The following MAP4K5 variants were observed in gnomAD, a reference collection of about 807,000 sequenced individuals.
The protein encoded by MAP4K5 is mitogen-activated protein kinase kinase kinase kinase 5.
Under a neutral mutation model 135.6 loss-of-function variants are expected in MAP4K5, and 82 were observed. That is an observed-to-expected ratio of 0.60 (90% CI 0.51 to 0.73). The LOEUF (loss-of-function observed/expected upper bound fraction) is 0.73, where lower values mean the gene tolerates loss of function less well. Ranked by LOEUF, MAP4K5 falls within the 30% of genes least tolerant of loss-of-function variation. The pLI is 0.00. For synonymous variants in MAP4K5, 347 were observed against 335.0 expected (o/e 1.04, Z -0.39); for missense variants, 907 against 1,010.9 (o/e 0.90, Z 1.39).
intron 3 of MAP4K5, 133 bp from the exon 4 acceptor site, chr14:50,486,327 G>A (rs183617267): frequency 8.4e-6 from 4 of 476,368 alleles, no homozygotes; most frequent in Admixed American, 4.4e-5. Flanking sequence ...AATGTAAACT[G>A]GTAGAATCTT....
chr14:50,532,363 C>T, intron 1 of MAP4K5, 85 bp downstream of exon 1: 1 of 291,640 alleles, frequency 3.4e-6, no homozygotes, highest in East Asian at 7.3e-5. Flanking sequence ...CCCGACGAGG[C>T]CTCCCCGCCA....
At chr14:50,444,574 C>T (rs1282441521) in intron 18 of MAP4K5, among the ~76,000 whole-genome samples, 1 of 152,030 alleles carries the variant, frequency 6.6e-6, no homozygotes, top group African/African-American at 2.4e-5. Context: ...CACGGCGAAA[C>T]CCCATCTCTA....
chr14:50,440,353 C>T lies in MAP4K5; in HGVS notation c.1644+9G>A. On this transcript the variant is annotated intron_variant, in intron 22 of 32. Transcript: ENST00000682126. ...TAAATTAATTTCTTGAATTAAAATG[C>T]CTAATTACCTGTTCCATCGTTGCCT... is the stretch of plus-strand genomic sequence containing the variant. 6.5e-7 allele frequency: 1 copy of T among 1,547,766 alleles called. No individual in the cohort carries two copies. Among genetic ancestry groups the T allele is most frequent in the South Asian group, 1.2e-5 (1 of 85,932 alleles).
At chr14:50,428,824 G>A in intron 29 of MAP4K5, 70 bp from the exon 30 acceptor site, 6 of 752,992 alleles carry the variant, frequency 8.0e-6, no homozygotes, top group East Asian at 2.8e-5. Context: ...TGATATATGT[G>A]GATTTTACAT....
At chr14:50,448,484 G>A (rs1039227949) in intron 15 of MAP4K5, among the ~76,000 whole-genome samples, 2 of 150,754 alleles carry the variant, frequency 1.3e-5, no homozygotes, top group African/African-American at 4.9e-5. Flanking sequence ...AAAAAAAAAA[G>A]GTCCTAAGAG....
chr14:50,482,329 G>A (rs1488275217), intron 6 of MAP4K5, 32 bp downstream of exon 6: 1 of 1,319,708 alleles, frequency 7.6e-7, no homozygotes, highest in Non-Finnish European at 1.0e-6. Context: ...GCCTAGAATT[G>A]CCTTTCTAAC....
chr14:50,458,759 C>T (rs2036645932), intron 13 of MAP4K5, among the ~76,000 whole-genome samples: 1 of 152,158 alleles, frequency 6.6e-6, no homozygotes, highest in South Asian at 2.1e-4. Context: ...AAGGCATCAA[C>T]TACATGTGTA....
intron 31 of MAP4K5, 124 bp from the exon 32 acceptor site, chr14:50,423,300 TAAAAGAA>T: frequency 1.9e-6 from 1 of 513,282 alleles, no homozygotes; most frequent in Non-Finnish European, 3.5e-6. Context: ...ATTCCTCAAA[TAAAAGAA>T]ATTTTAGTAA....
At chr14:50,422,242 T>A (rs1406754710) in intron 32 of MAP4K5, among the ~76,000 whole-genome samples, 2 of 152,160 alleles carry the variant, frequency 1.3e-5, no homozygotes, top group Non-Finnish European at 2.9e-5. Flanking sequence ...CTCTTTTTGT[T>A]GGTTGGACGA....
At chr14:50,532,257 G>A in intron 1 of MAP4K5, 99 bp from the exon 2 acceptor site, 1 of 507,746 alleles carries the variant, frequency 2.0e-6, no homozygotes, top group Non-Finnish European at 3.4e-6. Flanking sequence ...GTCCCGCCAG[G>A]GGCCGTGGAA....
intron 6 of MAP4K5, among the ~76,000 whole-genome samples, chr14:50,476,812 C>T (rs907225072): frequency 5.9e-5 from 9 of 152,180 alleles, no homozygotes; most frequent in African/African-American, 2.2e-4. Context: ...TTTCACTAAA[C>T]ACAATCAAGA....
chr14:50,472,490 A>C (rs4898658), intron 9 of MAP4K5: 127,989 of 152,070 alleles, frequency 0.84, 55,388 homozygotes, highest in East Asian at 0.93. Context: ...ATACTGAAGA[A>C]AAACCTATGA....
At chr14:50,457,724 G>A (rs1240535024) in intron 13 of MAP4K5, among the ~76,000 whole-genome samples, 1 of 152,008 alleles carries the variant, frequency 6.6e-6, no homozygotes. Flanking sequence ...ACAAATCTCT[G>A]ATCTTTTGAG....
At chr14:50,430,764 A>C (rs1355640473) in intron 28 of MAP4K5, among the ~76,000 whole-genome samples, 1 of 152,216 alleles carries the variant, frequency 6.6e-6, no homozygotes, top group Non-Finnish European at 1.5e-5. Context: ...AGAGTTTCTA[A>C]GCTCTTTATG....
In MAP4K5 at chr14:50,431,506, G is replaced by C. The variant is rs1219425907; in HGVS notation, c.2165-2246C>G. On this transcript the variant is annotated intron_variant, in intron 28 of 32. Coordinates refer to ENST00000682126, the MANE Select transcript of MAP4K5 (RefSeq NM_006575.6). ...CTATGAGTGAGAATATGTGGTGTTTGGTTTTTTGTTCTTGCGATAGTTTAC... is the reference window on the plus strand; with the variant it reads ...CTATGAGTGAGAATATGTGGTGTTTCGTTTTTTGTTCTTGCGATAGTTTAC... 2.0e-5 allele frequency among the ~76,000 whole-genome samples: 3 copies of C among 151,970 alleles called. No individual in the cohort carries two copies. In the East Asian group the frequency reaches 5.8e-4, roughly 29 times the overall value.
intron 13 of MAP4K5, among the ~76,000 whole-genome samples, chr14:50,461,084 G>C (rs938406767): frequency 6.6e-5 from 10 of 152,056 alleles, no homozygotes; most frequent in Admixed American, 6.6e-4. Flanking sequence ...GGAGTGCAGT[G>C]GCACAATCTC....
At chr14:50,496,189 C>A (rs1397746097) in intron 3 of MAP4K5, among the ~76,000 whole-genome samples, 1 of 151,502 alleles carries the variant, frequency 6.6e-6, no homozygotes, top group African/African-American at 2.4e-5. Context: ...AGTCGGGTGT[C>A]GTGGTGGGAG....
intron 1 of MAP4K5, among the ~76,000 whole-genome samples, chr14:50,550,243 G>A (rs1202203633): frequency 1.3e-5 from 2 of 152,234 alleles, no homozygotes; most frequent in Non-Finnish European, 2.9e-5. Flanking sequence ...GGGAAGCCAT[G>A]TGTGGTACTG....
At chr14:50,438,300 T>C (rs376617805) in intron 23 of MAP4K5, 4 of 331,654 alleles carry the variant, frequency 1.2e-5, no homozygotes, top group Non-Finnish European at 2.3e-5. Context: ...CAAAAAGAAA[T>C]TGTTGTACAA....
Sources: gnomAD v4.1 joint callset for allele counts (sites outside exome capture counted in the v4.1 genomes callset) on GRCh38, gnomAD v4.1.1 for gene constraint, MANE v1.5 for transcripts, NCBI Gene and HGNC (gene_info 2026-07-23, HGNC 2026-07-21) for gene names.